TENM2: variants seen among roughly 807,000 people sequenced by gnomAD.
TENM2 encodes teneurin-2.
TENM2 carries 52 observed loss-of-function variants against 245.2 expected under a neutral mutation model. The observed-to-expected ratio is 0.21, with a 90% CI of 0.17 to 0.27. TENM2 has a LOEUF of 0.27. Among genes scored for constraint, TENM2 ranks in the 10% least tolerant of loss-of-function variants. The pLI, the probability that TENM2 is intolerant of heterozygous loss-of-function variation, is 1.00. For missense variants in TENM2, 3,046 were observed against 3,666.8 expected (o/e 0.83, Z 4.37); for synonymous variants, 1,363 against 1,438.9 (o/e 0.95, Z 1.19).
chr5:167,337,473 T>G (rs886937000), intron 1 of TENM2, among the ~76,000 whole-genome samples: 1 of 152,140 alleles, frequency 6.6e-6, no homozygotes, highest in Non-Finnish European at 1.5e-5. Context: ...GGAAGAGACA[T>G]GTTAAAAGCT....
At chr5:167,451,826 T>C (rs1237510537) in intron 2 of TENM2, among the ~76,000 whole-genome samples, 1 of 152,082 alleles carries the variant, frequency 6.6e-6, no homozygotes, top group Non-Finnish European at 1.5e-5. Flanking sequence ...TTTTTTCGTA[T>C]TTTTAGTAGA....
intron 2 of TENM2, among the ~76,000 whole-genome samples, chr5:167,856,536 G>T (rs1561860196): frequency 1.3e-5 from 2 of 152,148 alleles, no homozygotes; most frequent in African/African-American, 4.8e-5. Flanking sequence ...AAGGATGCAT[G>T]AATCTATATG....
intron 2 of TENM2, among the ~76,000 whole-genome samples, chr5:167,624,536 C>T (rs1196189177): frequency 6.6e-6 from 1 of 152,142 alleles, no homozygotes; most frequent in African/African-American, 2.4e-5. Flanking sequence ...TATAACAAAC[C>T]TGCACACGTA....
At chr5:167,791,424 ATATAT>A (rs938432617) in intron 2 of TENM2, among the ~76,000 whole-genome samples, 5 of 141,742 alleles carry the variant, frequency 3.5e-5, no homozygotes, top group African/African-American at 7.7e-5. Flanking sequence ...GAAATATATA[ATATAT>A]TATATATTTA....
intron 2 of TENM2, among the ~76,000 whole-genome samples, chr5:167,431,173 G>A (rs1434895340): frequency 1.3e-5 from 2 of 152,120 alleles, no homozygotes; most frequent in African/African-American, 4.8e-5. Flanking sequence ...ATAACATTTA[G>A]ATTTTAGGTC....
At chr5:167,615,991 C>T (rs549729201) in intron 2 of TENM2, among the ~76,000 whole-genome samples, 6 of 152,196 alleles carry the variant, frequency 3.9e-5, no homozygotes, top group East Asian at 1.9e-4. Flanking sequence ...GCTGAGCTTG[C>T]GAAGAATACA....
chr5:167,000,329 A>G, the TENM2 span, among the ~76,000 whole-genome samples: 9 of 152,352 alleles, frequency 5.9e-5, no homozygotes, highest in South Asian at 4.1e-4. Flanking sequence ...CTCTATTGCA[A>G]TTAATCAGGG....
intron 2 of TENM2, among the ~76,000 whole-genome samples, chr5:167,656,264 T>C (rs920020820): frequency 1.3e-5 from 2 of 152,222 alleles, no homozygotes; most frequent in Non-Finnish European, 2.9e-5. Context: ...AGAAGAACCA[T>C]AGAAGAACCA....
At chr5:167,618,308 G>A (rs1037371995) in intron 2 of TENM2, among the ~76,000 whole-genome samples, 1 of 152,050 alleles carries the variant, frequency 6.6e-6, no homozygotes, top group African/African-American at 2.4e-5. Context: ...CAGGAAGCCT[G>A]ACTCCAGAGG....
At chr5:168,013,762 A>T (rs1178632866) in intron 5 of TENM2, among the ~76,000 whole-genome samples, 2 of 152,162 alleles carry the variant, frequency 1.3e-5, no homozygotes, top group East Asian at 3.9e-4. Context: ...ATATCAAGGG[A>T]CCACACACTG....
At chr5:167,924,064 T>C (rs1777567568) in intron 3 of TENM2, among the ~76,000 whole-genome samples, 1 of 152,098 alleles carries the variant, frequency 6.6e-6, no homozygotes, top group Non-Finnish European at 1.5e-5. Flanking sequence ...GTCCCGGGTC[T>C]CCTTATTTCT....
At chr5:167,129,235 C>A in the TENM2 span, among the ~76,000 whole-genome samples, 1 of 152,112 alleles carries the variant, frequency 6.6e-6, no homozygotes, top group Non-Finnish European at 1.5e-5. Flanking sequence ...GGTGAGCATG[C>A]TGGAGGCCGG....
intron 2 of TENM2, among the ~76,000 whole-genome samples, chr5:167,663,182 G>A (rs533805379): frequency 4.0e-4 from 55 of 137,570 alleles, no homozygotes; most frequent in African/African-American, 1.2e-3. Flanking sequence ...GAGAGAGAGA[G>A]AGAGAAAGAG....
chr5:168,139,038 G>C (rs937905516), intron 12 of TENM2, among the ~76,000 whole-genome samples: 1 of 152,184 alleles, frequency 6.6e-6, no homozygotes, highest in Non-Finnish European at 1.5e-5. Context: ...ATAATGTTTG[G>C]TTAATTTTTC....
chr5:167,240,617 G>A, the TENM2 span, among the ~76,000 whole-genome samples: 134,950 of 152,158 alleles, frequency 0.89, 60,228 homozygotes, highest in Admixed American at 0.94. Context: ...TCACTGGGCA[G>A]CCAGGTCCTT....
chr5:167,638,512 C>T (rs1486954152), intron 2 of TENM2, among the ~76,000 whole-genome samples: 1 of 152,158 alleles, frequency 6.6e-6, no homozygotes, highest in Non-Finnish European at 1.5e-5. Flanking sequence ...CTGTACATTT[C>T]TTCTAATTTA....
intron 2 of TENM2, among the ~76,000 whole-genome samples, chr5:167,764,058 T>G (rs1762847927): frequency 6.6e-6 from 1 of 152,218 alleles, no homozygotes; most frequent in Non-Finnish European, 1.5e-5. Flanking sequence ...CTTCTTAGCG[T>G]AGGCATCTCA....
At chr5:167,812,813 A>C (rs1583073198) in intron 2 of TENM2, among the ~76,000 whole-genome samples, 1 of 152,330 alleles carries the variant, frequency 6.6e-6, no homozygotes, top group East Asian at 1.9e-4. Flanking sequence ...AAAGCAAATG[A>C]GAAAGGCAGT....
chr5:167,596,972 G>A (rs892214845), intron 2 of TENM2, among the ~76,000 whole-genome samples: 3 of 152,052 alleles, frequency 2.0e-5, no homozygotes, highest in African/African-American at 7.2e-5. Flanking sequence ...GTAGGGGACA[G>A]TTCAGAGCCT....
Sources: allele counts gnomAD v4.1 joint callset (sites outside exome capture counted in the v4.1 genomes callset), GRCh38; gene constraint gnomAD v4.1.1; transcripts MANE v1.5; gene names NCBI Gene and HGNC (gene_info 2026-07-23, HGNC 2026-07-21).